PHEX: variants seen among roughly 807,000 people sequenced by gnomAD.
PHEX encodes the protein phosphate-regulating neutral endopeptidase PHEX.
Under a neutral mutation model 68.0 loss-of-function variants are expected in PHEX, and 16 were observed. That is an observed-to-expected ratio of 0.24 (90% CI 0.16 to 0.36). The LOEUF (loss-of-function observed/expected upper bound fraction) is 0.36, where lower values mean the gene tolerates loss of function less well. PHEX is among the 10% of genes least tolerant of loss of function. PHEX has a pLI of 1.00. For synonymous variants in PHEX, 208 were observed against 205.1 expected (o/e 1.01, Z -0.12); for missense variants, 480 against 575.5 (o/e 0.83, Z 1.70).
At chrX:22,135,285 C>A (rs1932182370) in intron 12 of PHEX, among the ~76,000 whole-genome samples, 1 of 112,259 alleles carries the variant, frequency 8.9e-6, no homozygotes, top group African/African-American at 3.2e-5. Context: ...AGATGGTAGA[C>A]AACTTTCAAC....
chrX:22,105,162 A>G (rs6633518), intron 9 of PHEX, among the ~76,000 whole-genome samples: 15,026 of 111,450 alleles, frequency 0.13, 904 homozygotes, highest in East Asian at 0.32. Flanking sequence ...GTTTGTCAGA[A>G]ATGCAGACTC....
At chrX:22,040,801 C>T (rs999039834) in intron 2 of PHEX, among the ~76,000 whole-genome samples, 15 of 107,994 alleles carry the variant, frequency 1.4e-4, no homozygotes, top group African/African-American at 5.1e-4. Context: ...TAAGTGTGCT[C>T]GAAAGCCTCT....
intron 20 of PHEX, among the ~76,000 whole-genome samples, chrX:22,238,208 G>C (rs1256818999): frequency 8.9e-6 from 1 of 112,478 alleles, no homozygotes; most frequent in Admixed American, 9.4e-5. Flanking sequence ...GAAGGCGGGT[G>C]ATTTCTGCAT....
At chrX:22,106,714 T>C (rs6633519) in intron 9 of PHEX, among the ~76,000 whole-genome samples, 38,221 of 103,515 alleles carry the variant, frequency 0.37, 7,976 homozygotes, top group African/African-American at 0.76. Context: ...ATCGAGGCTG[T>C]AGTGAGCTGA....
intron 5 of PHEX, among the ~76,000 whole-genome samples, chrX:22,084,170 AT>A (rs745938009): frequency 9.0e-6 from 1 of 111,025 alleles, no homozygotes; most frequent in Middle Eastern, 4.7e-3. Flanking sequence ...CATTTAATTT[AT>A]TTTTTTTGAG....
intron 5 of PHEX, among the ~76,000 whole-genome samples, chrX:22,086,045 C>CT (rs1260885943): frequency 9.0e-6 from 1 of 111,731 alleles, no homozygotes; most frequent in Non-Finnish European, 1.9e-5. Context: ...AGGTCCTTGC[C>CT]TTTTTTTCTG....
At chrX:22,159,369 G>T (rs1206647328) in intron 12 of PHEX, among the ~76,000 whole-genome samples, 2 of 112,525 alleles carry the variant, frequency 1.8e-5, no homozygotes, top group Non-Finnish European at 3.8e-5. Flanking sequence ...AAATCAGCTT[G>T]GCACAATGGC....
At position 22,249,455 on chromosome X, in the gene PHEX, A is replaced by AAAAAT; in HGVS notation, c.*1503_*1504insAAATA. On this transcript the variant is annotated 3_prime_UTR_variant, in exon 22 of 22. Transcript: ENST00000379374. ...TTGTGATTCTTTTAAAAAAAAAAAAAATATATATATATATATATATATATA... is the reference window on the plus strand; with the variant it reads ...TTGTGATTCTTTTAAAAAAAAAAAAAAAAATATATATATATATATATATATATATA... 9 of 39,748 alleles carry AAAAAT rather than the reference A, an allele frequency of 2.3e-4. No homozygotes were observed. Among genetic ancestry groups the AAAAAT allele is most frequent in the Non-Finnish European group, 3.3e-4 (8 of 24,461 alleles). 3.3% of individuals were successfully genotyped at this position (39,748 alleles called of 1,213,427 possible).
intron 12 of PHEX, among the ~76,000 whole-genome samples, chrX:22,151,825 G>GC (rs1429519869): frequency 1.8e-5 from 2 of 111,129 alleles, no homozygotes; most frequent in Non-Finnish European, 1.9e-5. Context: ...TCTTCCGGGG[G>GC]CTCTCAGTCA....
Position 22,245,319 on chromosome X carries a change from C to T in PHEX, c.2071-14C>T, listed in dbSNP as rs1936358741. On this transcript the variant is annotated splice_polypyrimidine_tract_variant and intron_variant, in intron 20 of 21. Coordinates refer to ENST00000379374, the MANE Select transcript of PHEX (RefSeq NM_000444.6). ...GAATGAAAGCTCATTTGTTGGGATGCTTTTCTCTTCTAGGTGAGGTGCAAT... is the reference window on the plus strand; with the variant it reads ...GAATGAAAGCTCATTTGTTGGGATGTTTTTCTCTTCTAGGTGAGGTGCAAT... 1.7e-6 allele frequency: 2 copies of T among 1,185,924 alleles called. No individual in the cohort carries two copies. Among genetic ancestry groups the T allele is most frequent in the African/African-American group, 1.8e-5 (1 of 56,720 alleles).
intron 17 of PHEX, among the ~76,000 whole-genome samples, chrX:22,221,050 G>A (rs1935251948): frequency 8.9e-6 from 1 of 111,984 alleles, no homozygotes; most frequent in African/African-American, 3.2e-5. Context: ...GTCTAAGCAG[G>A]ACAGATGGGC....
chrX:22,209,622 C>T (rs1192479031), intron 15 of PHEX, among the ~76,000 whole-genome samples: 1 of 109,967 alleles, frequency 9.1e-6, no homozygotes, highest in East Asian at 2.9e-4. Flanking sequence ...TACCTATTAT[C>T]ACATTTATTA....
chrX:22,081,371 T>C, intron 5 of PHEX, among the ~76,000 whole-genome samples: 1 of 112,056 alleles, frequency 8.9e-6, no homozygotes, highest in Non-Finnish European at 1.9e-5. Context: ...CCTCTGCTCA[T>C]GAGAATTCTT....
At chrX:22,193,533 G>A (rs1271552146) in intron 15 of PHEX, among the ~76,000 whole-genome samples, 1 of 111,380 alleles carries the variant, frequency 9.0e-6, no homozygotes, top group Admixed American at 9.5e-5. Flanking sequence ...AATAAAAATG[G>A]TATCTTACTG....
intron 17 of PHEX, 134 bp downstream of exon 17, chrX:22,219,237 T>C (rs745774416): frequency 1.4e-5 from 7 of 503,341 alleles, no homozygotes; most frequent in Admixed American, 1.1e-4. Flanking sequence ...TGATTGCTGA[T>C]TGAAAACTTT....
chrX:22,156,144 C>T (rs763688071), intron 12 of PHEX, among the ~76,000 whole-genome samples: 2 of 111,224 alleles, frequency 1.8e-5, no homozygotes, highest in African/African-American at 6.5e-5. Flanking sequence ...AAAACACAGC[C>T]CAGAGAAACA....
At chrX:22,072,974 T>C (rs1160631907) in intron 3 of PHEX, among the ~76,000 whole-genome samples, 1 of 112,301 alleles carries the variant, frequency 8.9e-6, no homozygotes, top group East Asian at 2.8e-4. Flanking sequence ...TAACACTGAT[T>C]GCAAAATATG....
intron 12 of PHEX, among the ~76,000 whole-genome samples, chrX:22,145,461 C>T (rs938412381): frequency 1.8e-5 from 2 of 111,069 alleles, no homozygotes; most frequent in African/African-American, 3.3e-5. Flanking sequence ...ACTAAAAGTA[C>T]AAAAATTAGC....
At chrX:22,187,368 C>G (rs1232442218) in intron 14 of PHEX, among the ~76,000 whole-genome samples, 1 of 111,664 alleles carries the variant, frequency 9.0e-6, no homozygotes, top group Admixed American at 9.5e-5. Context: ...TTATGCAGTC[C>G]TTGCCCATTG....
Sources: allele counts gnomAD v4.1 joint callset (sites outside exome capture counted in the v4.1 genomes callset), GRCh38; gene constraint gnomAD v4.1.1; transcripts MANE v1.5; gene names NCBI Gene and HGNC (gene_info 2026-07-23, HGNC 2026-07-21).